The following PIGL variants were observed in gnomAD, a reference collection of about 807,000 sequenced individuals.
The protein encoded by PIGL is N-acetylglucosaminyl-phosphatidylinositol de-N-acetylase.
Under a neutral mutation model 31.1 loss-of-function variants are expected in PIGL, and 22 were observed. That is an observed-to-expected ratio of 0.71 (90% confidence interval 0.51 to 1.01). PIGL has a LOEUF of 1.01. Among genes scored for constraint, PIGL ranks in the 50% least tolerant of loss-of-function variants. The pLI, the probability that PIGL is intolerant of heterozygous loss-of-function variation, is 0.00. For missense variants in PIGL, 302 were observed against 315.9 expected (o/e 0.96, Z 0.33); for synonymous variants, 131 against 117.4 (o/e 1.12, Z -0.75).
chr17:16,302,712 G>C (rs1252226193), intron 3 of PIGL, among the ~76,000 whole-genome samples: 1 of 152,072 alleles, frequency 6.6e-6, no homozygotes, highest in Non-Finnish European at 1.5e-5. Context: ...TGATTCTCCT[G>C]CCTCAGCCTT....
chr17:16,238,163 T>G (rs1421346353), intron 2 of PIGL, among the ~76,000 whole-genome samples: 1 of 133,746 alleles, frequency 7.5e-6, no homozygotes, highest in Non-Finnish European at 1.5e-5. Context: ...GCCATTGCAC[T>G]CCAGCCTGGG....
chr17:16,317,824 C>G lies in PIGL; in HGVS notation c.576C>G (p.Ile192Met), dbSNP rs775341059. The part of the protein sequence containing the change: ...LQSVNVLRKY[I>M]SLLDLPLSLL... ...CTGTGAATGTGCTGCGCAAGTACATCTCCCTTCTGGATCTGCCCTTGTCTC... is the reference window on the plus strand; with the variant it reads ...CTGTGAATGTGCTGCGCAAGTACATGTCCCTTCTGGATCTGCCCTTGTCTC... The change falls in exon 6 of 7, where the codon ATC becomes ATG. Residue 192 changes from isoleucine to methionine, a missense_variant. Transcript: ENST00000225609. 2.5e-6 allele frequency: 4 copies of G among 1,614,040 alleles called. No individual in the cohort carries two copies. In the South Asian group the frequency reaches 4.4e-5, roughly 18 times the overall value.
At chr17:16,314,041 T>A (rs1568843254) in intron 4 of PIGL, among the ~76,000 whole-genome samples, 2 of 152,356 alleles carry the variant, frequency 1.3e-5, no homozygotes, top group East Asian at 1.9e-4. Flanking sequence ...ATGTGTTTTA[T>A]ACAACTCTCA....
intron 3 of PIGL, among the ~76,000 whole-genome samples, chr17:16,308,423 G>C (rs1029110583): frequency 3.9e-5 from 6 of 152,146 alleles, no homozygotes; most frequent in African/African-American, 1.4e-4. Flanking sequence ...GCTAGGTCCT[G>C]GGCCTCAAAC....
chr17:16,282,075 G>A (rs758717003), intron 2 of PIGL: 2 of 514,140 alleles, frequency 3.9e-6, no homozygotes, highest in East Asian at 5.5e-5. Flanking sequence ...CCCTGATCTG[G>A]AGACCACTGC....
intron 2 of PIGL, among the ~76,000 whole-genome samples, chr17:16,263,618 G>A (rs145185922): frequency 5.0e-4 from 76 of 151,328 alleles, no homozygotes; most frequent in African/African-American, 1.7e-3. Context: ...TCTGCTTTCC[G>A]GATTCAAGCA....
chr17:16,298,156 A>G (rs1267128680), intron 2 of PIGL, among the ~76,000 whole-genome samples: 1 of 152,168 alleles, frequency 6.6e-6, no homozygotes, highest in Non-Finnish European at 1.5e-5. Flanking sequence ...TGGCAGATGA[A>G]CCAGCTGAAG....
intron 2 of PIGL, among the ~76,000 whole-genome samples, chr17:16,295,398 G>A (rs1275495325): frequency 9.2e-5 from 13 of 140,972 alleles, no homozygotes; most frequent in Admixed American, 3.6e-4. Context: ...GCAAGACTCC[G>A]TCTCAAAAAA....
At chr17:16,314,842 G>A (rs989982035) in intron 4 of PIGL, among the ~76,000 whole-genome samples, 3 of 152,144 alleles carry the variant, frequency 2.0e-5, no homozygotes, top group African/African-American at 7.2e-5. Flanking sequence ...CAACCACATG[G>A]TTACTCTGAG....
chr17:16,245,430 A>G (rs2092740776), intron 2 of PIGL, among the ~76,000 whole-genome samples: 1 of 151,648 alleles, frequency 6.6e-6, no homozygotes. Flanking sequence ...CCCGGCCTAG[A>G]GTGTGTTTTT....
intron 3 of PIGL, 75 bp from the exon 4 acceptor site, chr17:16,313,472 A>T (rs997055479): frequency 2.7e-5 from 29 of 1,056,854 alleles, no homozygotes; most frequent in Admixed American, 1.2e-4. Context: ...TCTCCTTCCC[A>T]AGGGAAGGAG....
At chr17:16,285,703 T>G (rs1332509551) in intron 2 of PIGL, among the ~76,000 whole-genome samples, 1 of 152,230 alleles carries the variant, frequency 6.6e-6, no homozygotes, top group Non-Finnish European at 1.5e-5. Context: ...AGCAGATACT[T>G]AATAAAAGTG....
chr17:16,287,562 G>T (rs2092943512), intron 2 of PIGL, among the ~76,000 whole-genome samples: 1 of 152,188 alleles, frequency 6.6e-6, no homozygotes, highest in African/African-American at 2.4e-5. Flanking sequence ...TTCTCTCACA[G>T]ACTTATTTTT....
At chr17:16,218,755 T>C (rs1487024213) in intron 1 of PIGL, among the ~76,000 whole-genome samples, 1 of 148,134 alleles carries the variant, frequency 6.8e-6, no homozygotes, top group African/African-American at 2.5e-5. Context: ...CTCGGCTCAC[T>C]GCAACCTCCA....
intron 2 of PIGL, among the ~76,000 whole-genome samples, chr17:16,285,844 G>A (rs1023082656): frequency 6.6e-6 from 1 of 152,098 alleles, no homozygotes; most frequent in African/African-American, 2.4e-5. Context: ...GCGGTGCAGA[G>A]ACACCCCCCA....
chr17:16,307,593 AT>A (rs2093031357), intron 3 of PIGL, among the ~76,000 whole-genome samples: 1 of 152,184 alleles, frequency 6.6e-6, no homozygotes, highest in South Asian at 2.1e-4. Flanking sequence ...GGTAAGAATG[AT>A]TTTAACCCCA....
chr17:16,255,038 ATG>A (rs1479567498), intron 2 of PIGL, among the ~76,000 whole-genome samples: 4 of 152,214 alleles, frequency 2.6e-5, no homozygotes, highest in Admixed American at 6.5e-5. Flanking sequence ...CAGCATATGA[ATG>A]TGTGTGTGGT....
intron 1 of PIGL, among the ~76,000 whole-genome samples, chr17:16,231,067 CT>C (rs59390439): frequency 0.027 from 2,564 of 96,360 alleles, 49 homozygotes; most frequent in African/African-American, 0.097. Flanking sequence ...TTTGGTTTTT[CT>C]TTTTTTTTTT....
chr17:16,296,586 G>T (rs1443632027), intron 2 of PIGL, among the ~76,000 whole-genome samples: 1 of 149,760 alleles, frequency 6.7e-6, no homozygotes, highest in Admixed American at 6.7e-5. Context: ...CTCCAGCCTG[G>T]GCAACAGAGT....
Sources: gnomAD v4.1 joint callset for allele counts (sites outside exome capture counted in the v4.1 genomes callset) on GRCh38, gnomAD v4.1.1 for gene constraint, MANE v1.5 for transcripts, NCBI Gene and HGNC (gene_info 2026-07-23, HGNC 2026-07-21) for gene names.